DLC1: variants seen among roughly 807,000 people sequenced by gnomAD.
The protein encoded by DLC1 is rho GTPase-activating protein 7.
A neutral mutation model predicts 140.3 loss-of-function variants in DLC1; 54 were observed. That is an observed-to-expected ratio of 0.38 (90% CI 0.31 to 0.48). The LOEUF is 0.48. Among genes scored for constraint, DLC1 ranks in the 20% least tolerant of loss-of-function variants. DLC1 has a pLI of 0.96. For missense variants in DLC1, 2,536 were observed against 1,907.0 expected (o/e 1.33, Z -6.14); for synonymous variants, 986 against 728.1 (o/e 1.35, Z -5.70).
chr8:13,383,077 G>C (rs2117170116), intron 4 of DLC1, among the ~76,000 whole-genome samples: 1 of 152,292 alleles, frequency 6.6e-6, no homozygotes, highest in East Asian at 1.9e-4. Context: ...ATCACAGTCA[G>C]AAAACAAGAT....
At chr8:13,579,963 G>C (rs1436880325) in intron 1 of DLC1, among the ~76,000 whole-genome samples, 1 of 151,894 alleles carries the variant, frequency 6.6e-6, no homozygotes, top group African/African-American at 2.4e-5. Flanking sequence ...ATTCCTCTTA[G>C]CCTAGTATCA....
At chr8:13,089,458 C>G (rs947987780) in intron 15 of DLC1, among the ~76,000 whole-genome samples, 5 of 151,900 alleles carry the variant, frequency 3.3e-5, no homozygotes, top group African/African-American at 9.7e-5. Context: ...AACCCCGTCT[C>G]TACTAAAAAT....
chr8:13,232,380 C>T (rs1310957387), intron 5 of DLC1, among the ~76,000 whole-genome samples: 1 of 152,072 alleles, frequency 6.6e-6, no homozygotes, highest in Non-Finnish European at 1.5e-5. Context: ...GTCACCCAGG[C>T]TGGTGTGCAG....
chr8:13,161,067 C>T (rs57534322), intron 5 of DLC1, among the ~76,000 whole-genome samples: 25,948 of 152,130 alleles, frequency 0.17, 2,454 homozygotes, highest in East Asian at 0.34. Context: ...GGCGACAGAG[C>T]GAGACTCCGT....
At chr8:13,477,943 G>A (rs1170277090) in intron 2 of DLC1, among the ~76,000 whole-genome samples, 1 of 152,094 alleles carries the variant, frequency 6.6e-6, no homozygotes, top group Non-Finnish European at 1.5e-5. Context: ...AAACCTCTAA[G>A]AGAATCCCTG....
intron 1 of DLC1, among the ~76,000 whole-genome samples, chr8:13,560,215 G>C (rs944128752): frequency 1.3e-5 from 2 of 151,948 alleles, no homozygotes; most frequent in African/African-American, 4.8e-5. Context: ...TCGAATAGTA[G>C]GAAATCATTG....
At chr8:13,411,090 G>A (rs1016302508) in intron 2 of DLC1, among the ~76,000 whole-genome samples, 9 of 152,146 alleles carry the variant, frequency 5.9e-5, no homozygotes, top group African/African-American at 1.7e-4. Context: ...AGTTGAAAAT[G>A]TATGTCCCCA....
rs55681527 is a variant in DLC1 at position 13,582,878 on chromosome 8, C to CTATATA, written c.-126+21653_-126+21658dup. Among the ~76,000 whole-genome samples the CTATATA allele has an allele frequency of 5.3e-3, 541 of 102,946 alleles. 2 individuals carry two copies. The highest frequency in any genetic ancestry group is 6.6e-3 in the African/African-American group (185 of 28,186). 67.5% of individuals were successfully genotyped at this position (102,946 alleles called of 152,430 possible). On this transcript the variant is annotated intron_variant, in intron 1 of 1. Coordinates refer to the DLC1 transcript ENST00000631382. ...AGTTATGTTTACAATATACTGTGGT[C>CTATATA]TATATATATATATATATATATATAT...
intron 2 of DLC1, among the ~76,000 whole-genome samples, chr8:13,494,030 G>C (rs1801384457): frequency 6.6e-6 from 1 of 152,120 alleles, no homozygotes; most frequent in Non-Finnish European, 1.5e-5. Flanking sequence ...TTTATTCCTG[G>C]ACAGTTTTTC....
At chr8:13,486,312 A>G (rs1007505534) in intron 2 of DLC1, among the ~76,000 whole-genome samples, 2 of 152,208 alleles carry the variant, frequency 1.3e-5, no homozygotes, top group Admixed American at 6.5e-5. Context: ...TTGTCAGCAT[A>G]TACCTGAAAT....
At chr8:13,419,152 G>A (rs1362293391) in intron 2 of DLC1, among the ~76,000 whole-genome samples, 1 of 152,100 alleles carries the variant, frequency 6.6e-6, no homozygotes, top group Non-Finnish European at 1.5e-5. Context: ...CAATCATGTG[G>A]TCTGCAAACA....
At chr8:13,456,633 A>G (rs1167460221) in intron 2 of DLC1, among the ~76,000 whole-genome samples, 3 of 151,802 alleles carry the variant, frequency 2.0e-5, no homozygotes, top group African/African-American at 2.4e-5. Context: ...TAATTTTTGT[A>G]TTTTTAGTAG....
intron 5 of DLC1, among the ~76,000 whole-genome samples, chr8:13,273,159 A>G (rs903946906): frequency 6.6e-5 from 10 of 152,206 alleles, no homozygotes; most frequent in Non-Finnish European, 8.8e-5. Flanking sequence ...AAGGCCCTCT[A>G]TGGAAGGATT....
At chr8:13,158,733 T>TCCCCCCCC (rs71207127) in intron 5 of DLC1, among the ~76,000 whole-genome samples, 3 of 59,036 alleles carry the variant, frequency 5.1e-5, no homozygotes, top group Non-Finnish European at 6.7e-5. Context: ...ACCACCACCC[T>TCCCCCCCC]CCCCCCCCCC....
At chr8:13,237,939 CAAGAAAGA>C (rs953663752) in intron 5 of DLC1, among the ~76,000 whole-genome samples, 1 of 149,934 alleles carries the variant, frequency 6.7e-6, no homozygotes, top group African/African-American at 2.5e-5. Flanking sequence ...AGAGCAAGAG[CAAGAAAGA>C]AAGAAAGAAA....
chr8:13,555,279 C>A (rs1804002427), intron 1 of DLC1, among the ~76,000 whole-genome samples: 1 of 152,162 alleles, frequency 6.6e-6, no homozygotes, highest in Admixed American at 6.5e-5. Flanking sequence ...TGCTTGTTAT[C>A]TGCTGACACA....
intron 1 of DLC1, among the ~76,000 whole-genome samples, chr8:13,602,159 A>G (rs560664218): frequency 6.4e-4 from 98 of 151,978 alleles, no homozygotes; most frequent in Middle Eastern, 3.4e-3. Context: ...AAACAATACC[A>G]TGGTATTGCA....
At chr8:13,111,350 T>C (rs1254979790) in intron 6 of DLC1, among the ~76,000 whole-genome samples, 1 of 152,188 alleles carries the variant, frequency 6.6e-6, no homozygotes, top group Non-Finnish European at 1.5e-5. Flanking sequence ...ATATGCTTTT[T>C]AAAAACAAAT....
At chr8:13,360,150 C>G (rs1361346158) in intron 4 of DLC1, among the ~76,000 whole-genome samples, 1 of 152,090 alleles carries the variant, frequency 6.6e-6, no homozygotes, top group Non-Finnish European at 1.5e-5. Flanking sequence ...TGTCTGAGTT[C>G]TAGTTTCCTC....
Sources: gnomAD v4.1 joint callset for allele counts (sites outside exome capture counted in the v4.1 genomes callset) on GRCh38, gnomAD v4.1.1 for gene constraint, MANE v1.5 for transcripts, NCBI Gene and HGNC (gene_info 2026-07-23, HGNC 2026-07-21) for gene names.